ELAC2: variants seen among roughly 807,000 people sequenced by gnomAD.
ELAC2 encodes the protein zinc phosphodiesterase ELAC protein 2.
In ELAC2, 92 loss-of-function variants were observed where a neutral mutation model predicts 105.2. The ratio of observed to expected loss-of-function variants is 0.87; its 90% CI spans 0.74 to 1.04. The LOEUF is 1.04. ELAC2 is among the 50% of genes least tolerant of loss of function. The pLI is 0.00. For synonymous variants in ELAC2, 468 were observed against 409.1 expected (o/e 1.14, Z -1.74); for missense variants, 1,099 against 1,071.7 (o/e 1.03, Z -0.36).
intron 17 of ELAC2, 42 bp from the exon 18 acceptor site, chr17:12,996,020 G>A: frequency 1.9e-6 from 3 of 1,568,698 alleles, no homozygotes; most frequent in South Asian, 1.2e-5. Flanking sequence ...AGGCCCCAGG[G>A]CCATCCCCTC....
chr17:13,013,859 C>T (rs1404147724), intron 5 of ELAC2, among the ~76,000 whole-genome samples: 5 of 152,172 alleles, frequency 3.3e-5, no homozygotes, highest in Admixed American at 1.3e-4. Flanking sequence ...AACTCAACGA[C>T]GAGAAGCACC....
At chr17:13,012,458 C>T (rs541093627) in intron 6 of ELAC2, among the ~76,000 whole-genome samples, 243 of 152,306 alleles carry the variant, frequency 1.6e-3, no homozygotes, top group Non-Finnish European at 2.9e-3. Flanking sequence ...TGCTGATCAG[C>T]TCATCACAGC....
Position 12,992,979 on chromosome 17 carries a change from C to T in ELAC2, c.2320G>A (p.Asp774Asn), listed in dbSNP as rs760538357. The T allele has an allele frequency of 1.2e-5, 19 of 1,605,406 alleles. No homozygotes were observed. Among genetic ancestry groups the T allele is most frequent in the Middle Eastern group, 1.6e-4 (1 of 6,084 alleles). ...IPPLKALFAGDIEEMEERREK... is the reference protein window; with the variant it reads ...IPPLKALFAGNIEEMEERREK... The stretch of plus-strand genomic sequence containing the variant: ...CTGCGCTCCTCCATCTCCTCGATGT[C>T]GCCAGCAAACAGGGCTTTCAGTGGG... Residue 774 changes from aspartate to asparagine, a missense_variant, in exon 24 of 24, where the codon GAC becomes AAC. By Grantham distance (23) the Asp-to-Asn change is conservative. Coordinates refer to ENST00000338034, the MANE Select transcript of ELAC2 (RefSeq NM_018127.7).
At chr17:13,012,645 T>A (rs867123215) in intron 6 of ELAC2, among the ~76,000 whole-genome samples, 3 of 152,174 alleles carry the variant, frequency 2.0e-5, no homozygotes, top group Admixed American at 2.0e-4. Context: ...CATTAGTTAG[T>A]ACTAACAAGG....
chr17:13,014,582 G>C (rs780396651), intron 4 of ELAC2, 86 bp from the exon 5 acceptor site: 35 of 956,766 alleles, frequency 3.7e-5, no homozygotes, highest in Non-Finnish European at 6.0e-5. Context: ...GTTACCAATA[G>C]GTATCAACAT....
rs1470895228 is a variant in ELAC2, at chr17:12,992,975, A to T, written c.2324T>A (p.Ile775Asn). ...PPLKALFAGD[I>N]EEMEERREKR... Reference sequence around the variant, plus strand: ...CTCCCTGCGCTCCTCCATCTCCTCGATGTCGCCAGCAAACAGGGCTTTCAG... The same window carrying T: ...CTCCCTGCGCTCCTCCATCTCCTCGTTGTCGCCAGCAAACAGGGCTTTCAG... The change falls in exon 24 of 24, where the codon ATC becomes AAC. Residue 775 changes from isoleucine (I) to asparagine (N), a missense_variant. By Grantham distance (149) the Ile-to-Asn change is moderately radical (BLOSUM62 -3). Transcript: ENST00000338034. 3 of 1,604,120 alleles carry T rather than the reference A, an allele frequency of 1.9e-6. No individual in the cohort carries two copies. In the Middle Eastern group the frequency reaches 4.9e-4, roughly 265 times the overall value.
In ELAC2 at chr17:13,015,841, G is replaced by A. The variant is rs1189465964; in HGVS notation, c.368-9C>T. ...TAAAGTAAGAATCATTCCTAAAAAG[G>A]ATGCATAAAATCAGATCTCTCATCA... On this transcript the variant is annotated splice_polypyrimidine_tract_variant and intron_variant, in intron 3 of 23. Coordinates refer to ENST00000338034, the MANE Select transcript of ELAC2 (RefSeq NM_018127.7). 1 of 1,612,582 alleles carries A rather than the reference G, an allele frequency of 6.2e-7. No homozygotes were observed. The highest frequency in any genetic ancestry group is 2.2e-5 in the East Asian group (1 of 44,874).
Position 13,017,298 on chromosome 17 carries a change from G to A in ELAC2, c.246-177C>T, listed in dbSNP as rs971538948. 11 of 713,150 alleles carry A rather than the reference G, an allele frequency of 1.5e-5. No homozygotes were observed. The East Asian group carries it at 2.1e-4, about 14-fold the overall frequency. 44.2% of individuals were successfully genotyped at this position (713,150 alleles called of 1,614,324 possible). ...TGGGTTTTGAGCCCTCCTTAGCAGA[G>A]GTGGAGAGGAGTGGGGGCCTGTGTG... On this transcript the variant is annotated intron_variant, in intron 1 of 23. Coordinates refer to ENST00000338034, the MANE Select transcript of ELAC2 (RefSeq NM_018127.7).
In ELAC2 at chr17:13,005,017, G is replaced by T; in HGVS notation, c.955C>A (p.Pro319Thr). The change falls in exon 11 of 24, where the codon CCC becomes ACC. Residue 319 changes from proline (P) to threonine (T), a missense_variant. Transcript: ENST00000338034. ...VECPDESFIQ[P>T]ICENATFQRY... ...TGAAAGGTGGCATTCTCACAGATGG[G>T]TTGAATGAAGCTTTCATCTGGACAT... The T allele has an allele frequency of 6.2e-7, 1 of 1,614,076 alleles. No homozygotes were observed.
At chr17:12,995,858 A>G in intron 18 of ELAC2, 46 bp from the exon 19 acceptor site, 1 of 1,587,066 alleles carries the variant, frequency 6.3e-7, no homozygotes, top group Non-Finnish European at 8.6e-7. Context: ...GAACATCTCA[A>G]TAAAAACTGG....
chr17:13,017,180 A>G, intron 1 of ELAC2, 59 bp from the exon 2 acceptor site: 1 of 1,422,558 alleles, frequency 7.0e-7, no homozygotes, highest in Non-Finnish European at 9.9e-7. Flanking sequence ...ACTCTCTGAC[A>G]CCAATTAGAT....
rs1262766285 is a variant in ELAC2, at chr17:13,017,809, C to T, written c.139G>A (p.Gly47Arg). The change falls in exon 1 of 24, where the codon GGA becomes AGA. Residue 47 changes from glycine (G) to arginine (R), a missense_variant. Transcript: ENST00000338034. ...LRHLRTREKR[G>R]PSGCSGGPNT... ...GGGCCGCCGGAGCACCCCGACGGTCCGCGCTTCTCTCGCGTGCGCAGGTGC... is the reference window on the plus strand; with the variant it reads ...GGGCCGCCGGAGCACCCCGACGGTCTGCGCTTCTCTCGCGTGCGCAGGTGC... 1.9e-6 allele frequency: 3 copies of T among 1,603,188 alleles called. No homozygotes were observed. The highest frequency in any genetic ancestry group is 2.6e-6 in the Non-Finnish European group (3 of 1,175,992).
chr17:13,000,023 G>C (rs548691513), intron 15 of ELAC2, 133 bp downstream of exon 15: 6 of 783,258 alleles, frequency 7.7e-6, no homozygotes, highest in African/African-American at 5.1e-5. Flanking sequence ...ATGTAGAGCT[G>C]AGTAGAGAAG....
intron 8 of ELAC2, among the ~76,000 whole-genome samples, chr17:13,008,978 C>T (rs1224649793): frequency 6.6e-6 from 1 of 152,164 alleles, no homozygotes; most frequent in Non-Finnish European, 1.5e-5. Context: ...CACTTTTCAT[C>T]ATGCTCACTG....
intron 11 of ELAC2, chr17:13,004,237 G>C (rs1321326611): frequency 6.4e-6 from 1 of 156,648 alleles, no homozygotes; most frequent in East Asian, 1.9e-4. Flanking sequence ...ACAAAGCCGG[G>C]GCTACCAGCG....
chr17:12,999,716 T>C (rs111745132), intron 15 of ELAC2, among the ~76,000 whole-genome samples: 30 of 152,144 alleles, frequency 2.0e-4, no homozygotes, highest in African/African-American at 7.0e-4. Flanking sequence ...TGGAGCGCAG[T>C]GGCACGACCT....
At position 12,995,066 on chromosome 17, in the gene ELAC2, TA is replaced by T. The variant is rs1288007671; in HGVS notation, c.1809-5del. 5.0e-6 allele frequency: 8 copies of T among 1,613,806 alleles called. No individual in the cohort carries two copies. Among genetic ancestry groups the T allele is most frequent in the Middle Eastern group, 1.7e-4 (1 of 6,060 alleles). On this transcript the variant is annotated splice_region_variant and splice_polypyrimidine_tract_variant and intron_variant, in intron 19 of 23. Transcript: ENST00000338034. ...AAGGCATTTGGCAGGAATCATACTG[TA>T]AAAAGACAAAACATTTAAAATGATA... is the stretch of plus-strand genomic sequence containing the variant.
rs1425582457 is a variant in ELAC2 at position 12,996,638 on chromosome 17, T to C, written c.1568A>G (p.Gln523Arg). The C allele has an allele frequency of 6.2e-7, 1 of 1,614,044 alleles. No individual in the cohort carries two copies. Among genetic ancestry groups the C allele is most frequent in the Non-Finnish European group, 8.5e-7 (1 of 1,180,018 alleles). The change falls in exon 17 of 24, where the codon CAG (glutamine) becomes CGG (arginine). Residue 523 changes from glutamine to arginine, a missense_variant. Physicochemically the swap from Gln to Arg is conservative, Grantham distance 43. Coordinates refer to ENST00000338034, the MANE Select transcript of ELAC2 (RefSeq NM_018127.7). ...CTGGTCTCCGTAATGACGGCACAGC[T>C]GCCCAAATGTGCCCTCACCACAGTC... ...LLDCGEGTFG[Q>R]LCRHYGDQVD...
At chr17:13,016,609 G>A (rs559893087) in intron 3 of ELAC2, among the ~76,000 whole-genome samples, 2 of 151,870 alleles carry the variant, frequency 1.3e-5, no homozygotes, top group South Asian at 4.2e-4. Flanking sequence ...AAACCCCGTC[G>A]CTACAAAACA....
Sources: allele counts gnomAD v4.1 joint callset (sites outside exome capture counted in the v4.1 genomes callset), GRCh38; gene constraint gnomAD v4.1.1; transcripts MANE v1.5; gene names NCBI Gene and HGNC (gene_info 2026-07-23, HGNC 2026-07-21).